The following KCNMB2 variants were observed in gnomAD, a reference collection of about 807,000 sequenced individuals.
KCNMB2 encodes the protein potassium calcium-activated channel subfamily M regulatory beta subunit 2, also known as calcium-activated potassium channel subunit beta-2.
KCNMB2 carries 9 observed loss-of-function variants against 24.5 expected under a neutral mutation model. That is an observed-to-expected ratio of 0.37 (90% CI 0.22 to 0.64). KCNMB2 has a LOEUF of 0.64. Ranked by LOEUF, KCNMB2 falls within the 30% of genes least tolerant of loss-of-function variation. The pLI is 0.63. For synonymous variants in KCNMB2, 109 were observed against 104.4 expected (o/e 1.04, Z -0.27); for missense variants, 226 against 284.3 (o/e 0.79, Z 1.47).
At position 178,690,629 on chromosome 3, in the gene KCNMB2, C is replaced by T. The variant is rs73045979; in HGVS notation, c.-67-116714C>T. Among the ~76,000 whole-genome samples the T allele has an allele frequency of 1.7e-3, 253 of 152,308 alleles. 1 individual carries two copies. The highest frequency in any genetic ancestry group is 5.8e-3 in the African/African-American group (242 of 41,584). ...CATGCACTCTTCTTCTTTACACTTA[C>T]TACTTTGGGAAAATTAGCCTTGGAT... is the stretch of plus-strand genomic sequence containing the variant. On this transcript the variant is annotated intron_variant, in intron 1 of 4. Coordinates refer to ENST00000452583, the MANE Select transcript of KCNMB2 (RefSeq NM_181361.3).
At chr3:178,583,679 T>G (rs1717299556) in intron 1 of KCNMB2, among the ~76,000 whole-genome samples, 1 of 152,228 alleles carries the variant, frequency 6.6e-6, no homozygotes, top group Non-Finnish European at 1.5e-5. Flanking sequence ...TTAACTTTTC[T>G]GAGGCTCCGA....
intron 1 of KCNMB2, among the ~76,000 whole-genome samples, chr3:178,550,246 C>T (rs1043037134): frequency 6.6e-6 from 1 of 150,992 alleles, no homozygotes; most frequent in African/African-American, 2.4e-5. Flanking sequence ...GTCAGGAGAT[C>T]GAGACTGTCC....
chr3:178,842,590 C>T, intron 4 of KCNMB2, 63 bp from the exon 5 acceptor site: 1 of 1,087,030 alleles, frequency 9.2e-7, no homozygotes. Context: ...AATACTCCAC[C>T]CCCTCCTAGA....
rs200960049 is a variant in KCNMB2 at position 178,759,663 on chromosome 3, G to GATAT, written c.-67-47667_-67-47664dup. On this transcript the variant is annotated intron_variant, in intron 1 of 4. Transcript: ENST00000452583. ...TATATATATATATATCTCCAAGAGG[G>GATAT]ATATATATATATATATCCAAGAGGA... Among the ~76,000 whole-genome samples the GATAT allele has an allele frequency of 3.8e-4, 27 of 70,382 alleles. 2 individuals are homozygous for GATAT. The highest frequency in any genetic ancestry group is 1.3e-3 in the African/African-American group (25 of 18,528). 46.2% of individuals were successfully genotyped at this position (70,382 alleles called of 152,430 possible).
chr3:178,806,972 A>G (rs1713996716), intron 1 of KCNMB2, among the ~76,000 whole-genome samples: 1 of 152,218 alleles, frequency 6.6e-6, no homozygotes, highest in African/African-American at 2.4e-5. Flanking sequence ...TTAGTATCCA[A>G]ATTTGAACTA....
chr3:178,618,658 TA>T (rs1277208871), intron 1 of KCNMB2, among the ~76,000 whole-genome samples: 2 of 152,180 alleles, frequency 1.3e-5, no homozygotes, highest in Non-Finnish European at 2.9e-5. Context: ...CCGAAAGCCA[TA>T]AAGAAGTTTA....
chr3:178,561,230 T>C (rs934503511), intron 1 of KCNMB2, among the ~76,000 whole-genome samples: 3 of 152,220 alleles, frequency 2.0e-5, no homozygotes, highest in Admixed American at 6.5e-5. Context: ...TTATGAATAA[T>C]AGATTTCAAT....
At chr3:178,566,705 A>G (rs1408294106) in intron 1 of KCNMB2, among the ~76,000 whole-genome samples, 1 of 152,256 alleles carries the variant, frequency 6.6e-6, no homozygotes, top group Non-Finnish European at 1.5e-5. Context: ...AAATTTAGAT[A>G]AATGTGTACA....
intron 1 of KCNMB2, among the ~76,000 whole-genome samples, chr3:178,573,028 T>C (rs544157195): frequency 1.3e-5 from 2 of 152,288 alleles, no homozygotes; most frequent in Non-Finnish European, 2.9e-5. Flanking sequence ...AGAATTTTTT[T>C]TTTTTTAGAC....
At chr3:178,589,929 A>C (rs6805665) in intron 1 of KCNMB2, among the ~76,000 whole-genome samples, 55,993 of 152,018 alleles carry the variant, frequency 0.37, 10,802 homozygotes, top group African/African-American at 0.5. Context: ...GCAATCCCCT[A>C]AAGAAAGTCG....
intron 1 of KCNMB2, among the ~76,000 whole-genome samples, chr3:178,571,657 A>G (rs772167655): frequency 1.3e-5 from 2 of 151,520 alleles, no homozygotes; most frequent in Non-Finnish European, 2.9e-5. Context: ...TGCATTAGGT[A>G]TTTGTCCTAA....
At chr3:178,822,121 C>G (rs1560035401) in intron 2 of KCNMB2, among the ~76,000 whole-genome samples, 1 of 152,202 alleles carries the variant, frequency 6.6e-6, no homozygotes, top group Non-Finnish European at 1.5e-5. Flanking sequence ...TTTGCAAACT[C>G]ATCTGCCTCT....
intron 1 of KCNMB2, among the ~76,000 whole-genome samples, chr3:178,794,735 C>T (rs1024044265): frequency 3.3e-5 from 5 of 152,212 alleles, no homozygotes; most frequent in Admixed American, 2.0e-4. Context: ...GTACCCAAAA[C>T]CCTCTGTCTT....
chr3:178,636,929 A>G (rs1015855353), intron 1 of KCNMB2, among the ~76,000 whole-genome samples: 1 of 151,930 alleles, frequency 6.6e-6, no homozygotes, highest in Non-Finnish European at 1.5e-5. Context: ...TTCAGCACCC[A>G]CTCATAAGTG....
chr3:178,796,959 T>C (rs1360115882), intron 1 of KCNMB2, among the ~76,000 whole-genome samples: 2 of 152,044 alleles, frequency 1.3e-5, no homozygotes, highest in Admixed American at 6.6e-5. Flanking sequence ...AACAAAAAGT[T>C]GGTTTTTTGA....
chr3:178,562,661 A>T (rs1283025842), intron 1 of KCNMB2, among the ~76,000 whole-genome samples: 1 of 152,232 alleles, frequency 6.6e-6, no homozygotes, highest in African/African-American at 2.4e-5. Flanking sequence ...CTCATGGGTT[A>T]AAAATGCATT....
intron 1 of KCNMB2, among the ~76,000 whole-genome samples, chr3:178,615,285 T>A (rs1319566806): frequency 6.6e-6 from 1 of 152,162 alleles, no homozygotes; most frequent in East Asian, 1.9e-4. Flanking sequence ...CTACTGCCTA[T>A]GTTCACTCAA....
At chr3:178,645,110 G>A (rs1416133207) in intron 1 of KCNMB2, among the ~76,000 whole-genome samples, 1 of 146,612 alleles carries the variant, frequency 6.8e-6, no homozygotes, top group Non-Finnish European at 1.5e-5. Context: ...GAGTGCAATG[G>A]CGCAATCTCG....
At chr3:178,805,703 C>T (rs1713938624) in intron 1 of KCNMB2, among the ~76,000 whole-genome samples, 1 of 152,040 alleles carries the variant, frequency 6.6e-6, no homozygotes. Context: ...AACCACGGCT[C>T]ACTGCAGCCT....
Sources: allele counts gnomAD v4.1 joint callset (sites outside exome capture counted in the v4.1 genomes callset), GRCh38; gene constraint gnomAD v4.1.1; transcripts MANE v1.5; gene names NCBI Gene and HGNC (gene_info 2026-07-23, HGNC 2026-07-21).